Variants in DLC1 observed in about 807,000 individuals in gnomAD.
DLC1 encodes the protein DLC1 Rho GTPase activating protein, also known as rho GTPase-activating protein 7.
DLC1 carries 54 observed loss-of-function variants against 140.3 expected under a neutral mutation model. The observed-to-expected ratio is 0.38, with a 90% confidence interval of 0.31 to 0.48. The LOEUF is 0.48. DLC1 is among the 20% of genes least tolerant of loss of function. DLC1 has a pLI of 0.96. For missense variants in DLC1, 2,536 were observed against 1,907.0 expected (o/e 1.33, Z -6.14); for synonymous variants, 986 against 728.1 (o/e 1.35, Z -5.70).
At position 13,522,912 on chromosome 8, in the gene DLC1, T is replaced by G. The variant is rs1404371576; in HGVS notation, c.-125-22716A>C. On this transcript the variant is annotated intron_variant, in intron 1 of 1. Transcript: ENST00000631382. ...CAGAGTTCCAGGTAGAATGAACAGA[T>G]AGTGCACAGTCCTAAGGAAGCGTGT... Among the ~76,000 whole-genome samples the G allele has an allele frequency of 2.0e-5, 3 of 152,184 alleles. No homozygotes were observed. The East Asian group carries it at 5.8e-4, about 29-fold the overall frequency.
intron 5 of DLC1, among the ~76,000 whole-genome samples, chr8:13,166,068 G>A (rs1362629170): frequency 1.3e-5 from 2 of 152,144 alleles, no homozygotes; most frequent in African/African-American, 4.8e-5. Flanking sequence ...TATTCCCAAT[G>A]AAGCTCACCA....
At chr8:13,484,129 T>C (rs1800863272) in intron 2 of DLC1, among the ~76,000 whole-genome samples, 4 of 151,780 alleles carry the variant, frequency 2.6e-5, no homozygotes, top group African/African-American at 9.7e-5. Flanking sequence ...TGAGCTGCAG[T>C]GTGGAATATG....
intron 1 of DLC1, among the ~76,000 whole-genome samples, chr8:13,578,104 C>G (rs1804910351): frequency 6.6e-6 from 1 of 152,028 alleles, no homozygotes; most frequent in Non-Finnish European, 1.5e-5. Context: ...TGAACCAACT[C>G]CCTGGGAGTT....
At chr8:13,203,050 G>A (rs760188627) in intron 5 of DLC1, among the ~76,000 whole-genome samples, 7 of 152,214 alleles carry the variant, frequency 4.6e-5, no homozygotes, top group Non-Finnish European at 7.4e-5. Context: ...CATGAAAACC[G>A]AATAGTAGGA....
intron 5 of DLC1, among the ~76,000 whole-genome samples, chr8:13,188,801 G>GTGTATATATA (rs1293675412): frequency 2.9e-4 from 21 of 71,886 alleles, no homozygotes; most frequent in Non-Finnish European, 3.4e-4. Flanking sequence ...GTGTGTGTGT[G>GTGTATATATA]TATATATATA....
intron 5 of DLC1, among the ~76,000 whole-genome samples, chr8:13,201,476 A>T (rs1340049228): frequency 6.6e-6 from 1 of 152,204 alleles, no homozygotes; most frequent in Non-Finnish European, 1.5e-5. Context: ...AAATAAATTT[A>T]AGAAGGCAGT....
chr8:13,182,673 G>C lies in DLC1; in HGVS notation c.1349-67016C>G, dbSNP rs548971422. 3.2e-3 allele frequency among the ~76,000 whole-genome samples: 490 copies of C among 152,160 alleles called. 4 individuals are homozygous for C. Among genetic ancestry groups the C allele is most frequent in the African/African-American group, 0.011 (465 of 41,526 alleles). The stretch of plus-strand genomic sequence containing the variant: ...TCTGAGGCCTCTGTTCTGTTCCATT[G>C]GTCTATATCTCTGTTTTGGTACCAG... On this transcript the variant is annotated intron_variant, in intron 5 of 17. Transcript: ENST00000276297.
chr8:13,502,183 T>TA (rs1563403740), intron 1 of DLC1, among the ~76,000 whole-genome samples: 2 of 152,206 alleles, frequency 1.3e-5, no homozygotes, highest in Non-Finnish European at 2.9e-5. Flanking sequence ...CCTTGACAAG[T>TA]AGGTAAGTAT....
At chr8:13,296,875 C>G (rs1470352623) in intron 5 of DLC1, among the ~76,000 whole-genome samples, 1 of 151,664 alleles carries the variant, frequency 6.6e-6, no homozygotes, top group East Asian at 1.9e-4. Flanking sequence ...ACATTTGAAT[C>G]AGAACATATT....
intron 2 of DLC1, among the ~76,000 whole-genome samples, chr8:13,405,193 T>C (rs1837471196): frequency 6.6e-6 from 1 of 152,140 alleles, no homozygotes; most frequent in Non-Finnish European, 1.5e-5. Flanking sequence ...GCTTGTTACA[T>C]GGGTATGTTG....
At chr8:13,587,806 G>T (rs1047282406) in intron 1 of DLC1, among the ~76,000 whole-genome samples, 2 of 151,732 alleles carry the variant, frequency 1.3e-5, no homozygotes, top group Non-Finnish European at 2.9e-5. Context: ...GTTTCTATCA[G>T]TACTCTACTC....
chr8:13,242,528 T>G (rs1362860267), intron 5 of DLC1, among the ~76,000 whole-genome samples: 16 of 152,032 alleles, frequency 1.1e-4, no homozygotes, highest in Admixed American at 1.0e-3. Flanking sequence ...CCCAAGTAGT[T>G]GGGACTACAA....
At chr8:13,451,219 A>T (rs181466288) in intron 2 of DLC1, among the ~76,000 whole-genome samples, 4 of 151,974 alleles carry the variant, frequency 2.6e-5, no homozygotes, top group Non-Finnish European at 4.4e-5. Flanking sequence ...TATTTAAAAA[A>T]TTTTTTAACT....
chr8:13,545,961 A>G (rs1426713502), intron 1 of DLC1, among the ~76,000 whole-genome samples: 1 of 152,140 alleles, frequency 6.6e-6, no homozygotes, highest in Admixed American at 6.6e-5. Context: ...CCACTGGGAT[A>G]CCAGCCAAGC....
intron 5 of DLC1, among the ~76,000 whole-genome samples, chr8:13,225,596 G>A (rs1881489): frequency 0.015 from 2,315 of 151,500 alleles, 23 homozygotes; most frequent in Non-Finnish European, 0.023. Context: ...TTGATTAATC[G>A]ATTTCTTTTT....
chr8:13,489,412 T>TACACACACACACACACACAC (rs10558551), intron 2 of DLC1, among the ~76,000 whole-genome samples: 290 of 132,326 alleles, frequency 2.2e-3, no homozygotes, highest in African/African-American at 7.7e-3. Context: ...ACACACACCA[T>TACACACACACACACACACAC]ACACACACAC....
intron 4 of DLC1, among the ~76,000 whole-genome samples, chr8:13,383,503 C>T (rs1300892246): frequency 6.6e-6 from 1 of 152,094 alleles, no homozygotes; most frequent in Non-Finnish European, 1.5e-5. Flanking sequence ...CTTTTGGGGG[C>T]CATTTGGAGC....
intron 4 of DLC1, among the ~76,000 whole-genome samples, chr8:13,347,115 T>A (rs943609887): frequency 2.6e-5 from 4 of 152,222 alleles, no homozygotes; most frequent in African/African-American, 9.6e-5. Flanking sequence ...CAGGGTTTGG[T>A]ACTATCCGTA....
intron 4 of DLC1, among the ~76,000 whole-genome samples, chr8:13,319,474 CGG>C (rs781151711): frequency 3.5e-5 from 2 of 57,558 alleles, no homozygotes; most frequent in African/African-American, 1.5e-4. Flanking sequence ...GCTGGCGGGG[CGG>C]GGGGGGGGGG....
Sources: allele counts gnomAD v4.1 joint callset (sites outside exome capture counted in the v4.1 genomes callset), GRCh38; gene constraint gnomAD v4.1.1; transcripts MANE v1.5; gene names NCBI Gene and HGNC (gene_info 2026-07-23, HGNC 2026-07-21).